PPT1: variants seen among roughly 807,000 people sequenced by gnomAD.
PPT1 encodes palmitoyl-protein thioesterase 1.
Under a neutral mutation model 44.0 loss-of-function variants are expected in PPT1, and 24 were observed. The ratio of observed to expected loss-of-function variants is 0.54; its 90% confidence interval spans 0.39 to 0.77. The LOEUF is 0.77. Ranked by LOEUF, PPT1 falls within the 30% of genes least tolerant of loss-of-function variation. The pLI, the probability that PPT1 is intolerant of heterozygous loss-of-function variation, is 0.00. For synonymous variants in PPT1, 148 were observed against 140.2 expected (o/e 1.06, Z -0.39); for missense variants, 341 against 378.8 (o/e 0.90, Z 0.83).
chr1:40,076,689 C>A, intron 8 of PPT1, 153 bp downstream of exon 8: 1 of 1,514,780 alleles, frequency 6.6e-7, no homozygotes, highest in Non-Finnish European at 8.8e-7. Flanking sequence ...GCCTAACAAG[C>A]TTCACCCATA....
intron 1 of PPT1, 100 bp downstream of exon 1, chr1:40,097,015 G>A (rs1401700541): frequency 1.2e-6 from 2 of 1,601,940 alleles, no homozygotes; most frequent in East Asian, 2.2e-5. Flanking sequence ...GCGTGCTGTG[G>A]GACCACGTCC....
rs933695116 is a variant in PPT1, at chr1:40,080,311, G to A, written c.627+86C>T. 2.2e-6 allele frequency: 3 copies of A among 1,346,768 alleles called. 1 individual carries two copies. The highest frequency in any genetic ancestry group is 4.6e-5 in the East Asian group (2 of 43,388). 83.4% of individuals were successfully genotyped at this position (1,346,768 alleles called of 1,614,324 possible). A position where few individuals can be genotyped will look rare whatever the true frequency, so the allele number is the denominator to read the frequency against. On this transcript the variant is annotated intron_variant, in intron 6 of 8. Coordinates refer to ENST00000642050, the MANE Select transcript of PPT1 (RefSeq NM_000310.4). Reference sequence around the variant, plus strand: ...TCCTAGTGTCTGCCCAGGACAGTTTGGGTAAACAGTCACTGCTGATTTGTT... The same window carrying A: ...TCCTAGTGTCTGCCCAGGACAGTTTAGGTAAACAGTCACTGCTGATTTGTT...
At chr1:40,093,432 A>AAG (rs60844058) in intron 1 of PPT1, among the ~76,000 whole-genome samples, 1 of 151,866 alleles carries the variant, frequency 6.6e-6, no homozygotes, top group Non-Finnish European at 1.5e-5. Flanking sequence ...GGTGTTGAAA[A>AAG]AGAAGTGTTA....
chr1:40,094,097 A>G, intron 1 of PPT1: 1 of 625,208 alleles, frequency 1.6e-6, no homozygotes, highest in Non-Finnish European at 3.0e-6. Context: ...GCAGAGGTAC[A>G]CATTCCCTTC....
intron 6 of PPT1, among the ~76,000 whole-genome samples, chr1:40,079,616 G>A (rs763929428): frequency 4.1e-4 from 63 of 152,074 alleles, no homozygotes; most frequent in Non-Finnish European, 5.7e-4. Flanking sequence ...GGCTGGTCTC[G>A]AACTCCTGAC....
chr1:40,080,285 T>C, intron 6 of PPT1, 112 bp downstream of exon 6: 1 of 1,150,728 alleles, frequency 8.7e-7, no homozygotes, highest in Non-Finnish European at 1.3e-6. Flanking sequence ...GAACTTCTCT[T>C]TCCTAGTGTC....
At position 40,076,897 on chromosome 1, in the gene PPT1, C is replaced by G; in HGVS notation, c.743G>C (p.Arg248Thr). 1 of 1,614,176 alleles carries G rather than the reference C, an allele frequency of 6.2e-7. No individual in the cohort carries two copies. Among genetic ancestry groups the G allele is most frequent in the South Asian group, 1.1e-5 (1 of 91,088 alleles). ...PVDSEWFGFY[R>T]SGQAKETIPL... ...AATGGTTTCCTTGGCTTGGCCACTT[C>G]TGTAAAATCCAAACCACTGCAGAAG... The change falls in exon 8 of 9, where the codon AGA becomes ACA. Residue 248 changes from arginine to threonine, a missense_variant. Transcript: ENST00000642050.
At chr1:40,092,201 G>A (rs1369471584) in intron 2 of PPT1, 29 bp from the exon 3 acceptor site, 1 of 1,613,754 alleles carries the variant, frequency 6.2e-7, no homozygotes, top group African/African-American at 1.3e-5. Context: ...AGAAGTGAGA[G>A]GATGGGACTG....
rs756148014 is a variant in PPT1, at chr1:40,092,491, A to G, written c.141T>C (p.Asn47=). Residue 47 remains asparagine, a synonymous_variant, in exon 2 of 9, where the codon AAT becomes AAC. Transcript: ENST00000642050. ...IWHGMGDSCC[N]PLSMGAIKKM... is the part of the protein sequence containing the mutation. ...TTTTAATAGCACCCATGCTTAAGGG[A>G]TTGCAACAGCTGTCTCCTAGCCAAC... 1.1e-5 allele frequency: 17 copies of G among 1,612,396 alleles called. No homozygotes were observed. Among genetic ancestry groups the G allele is most frequent in the Non-Finnish European group, 1.3e-5 (15 of 1,178,506 alleles).
chr1:40,079,633 T>C (rs974092184), intron 6 of PPT1, among the ~76,000 whole-genome samples: 2 of 152,124 alleles, frequency 1.3e-5, no homozygotes, highest in African/African-American at 4.8e-5. Context: ...TGACCTCAAG[T>C]GATCTGCCCA....
intron 5 of PPT1, among the ~76,000 whole-genome samples, chr1:40,085,898 T>A (rs1450335597): frequency 6.6e-6 from 1 of 152,176 alleles, no homozygotes; most frequent in Non-Finnish European, 1.5e-5. Context: ...GTTCGTTACA[T>A]TACTCTCTAA....
At chr1:40,086,571 A>T (rs1380542587) in intron 5 of PPT1, among the ~76,000 whole-genome samples, 4 of 152,192 alleles carry the variant, frequency 2.6e-5, no homozygotes, top group African/African-American at 7.2e-5. Flanking sequence ...GCACGGTCCC[A>T]CTTCTCTGGC....
chr1:40,088,927 T>C lies in PPT1; in HGVS notation c.536+483A>G, dbSNP rs182336859. Reference sequence around the variant, plus strand: ...TGCCCTTGTTTTTCTTTCTTTGTTTTTTAGTTAATAGACTTTTTGGAGCAA... The same window carrying C: ...TGCCCTTGTTTTTCTTTCTTTGTTTCTTAGTTAATAGACTTTTTGGAGCAA... On this transcript the variant is annotated intron_variant, in intron 5 of 8. Transcript: ENST00000642050. Among the ~76,000 whole-genome samples the C allele has an allele frequency of 4.4e-3, 670 of 152,306 alleles. 10 individuals are homozygous for C. The highest frequency in any genetic ancestry group is 0.016 in the African/African-American group (645 of 41,566).
At chr1:40,080,533 A>G (rs756369604) in intron 5 of PPT1, 46 bp from the exon 6 acceptor site, 2 of 1,577,214 alleles carry the variant, frequency 1.3e-6, no homozygotes, top group East Asian at 2.2e-5. Context: ...CAGGTCAGTC[A>G]GTACGCCCAG....
At chr1:40,094,773 T>C (rs1649756920) in intron 1 of PPT1, among the ~76,000 whole-genome samples, 1 of 152,206 alleles carries the variant, frequency 6.6e-6, no homozygotes, top group Non-Finnish European at 1.5e-5. Flanking sequence ...GGCTACTGCC[T>C]AGAGAATTGT....
At chr1:40,078,930 C>G in intron 6 of PPT1, 1 of 423,062 alleles carries the variant, frequency 2.4e-6, no homozygotes. Context: ...GTTTGGGGTT[C>G]TGTTGATCCT....
At chr1:40,080,341 A>G (rs1225511038) in intron 6 of PPT1, 56 bp downstream of exon 6, 4 of 1,510,958 alleles carry the variant, frequency 2.6e-6, no homozygotes, top group African/African-American at 1.4e-5. Flanking sequence ...TTTGTTTATG[A>G]AGACCTAAAC....
chr1:40,075,958 C>CAAAAAAAAAAAAA (rs56338772), intron 8 of PPT1, among the ~76,000 whole-genome samples: 2 of 41,832 alleles, frequency 4.8e-5, no homozygotes, highest in East Asian at 8.9e-4. Context: ...AAGACTGTCT[C>CAAAAAAAAAAAAA]AAAAAAAAAA....
intron 1 of PPT1, 41 bp from the exon 2 acceptor site, chr1:40,092,548 A>C: frequency 6.9e-7 from 1 of 1,457,302 alleles, no homozygotes; most frequent in Admixed American, 1.7e-5. Flanking sequence ...ATGAGTCCAA[A>C]TATTGTTTAT....
Sources: gnomAD v4.1 joint callset for allele counts (sites outside exome capture counted in the v4.1 genomes callset) on GRCh38, gnomAD v4.1.1 for gene constraint, MANE v1.5 for transcripts, NCBI Gene and HGNC (gene_info 2026-07-23, HGNC 2026-07-21) for gene names.